TTC21A: variants seen among roughly 807,000 people sequenced by gnomAD.
TTC21A encodes the protein tetratricopeptide repeat domain 21A.
A neutral mutation model predicts 156.4 loss-of-function variants in TTC21A; 128 were observed. The observed-to-expected ratio is 0.82, with a 90% confidence interval of 0.71 to 0.95. The LOEUF (loss-of-function observed/expected upper bound fraction) is 0.95, where lower values mean the gene tolerates loss of function less well. Among genes scored for constraint, TTC21A ranks in the 40% least tolerant of loss-of-function variants. The probability of loss-of-function intolerance (pLI) is 0.00; values close to 1 mark genes in which losing one functional copy is unlikely to be tolerated. For synonymous variants in TTC21A, 587 were observed against 617.1 expected (o/e 0.95, Z 0.72); for missense variants, 1,435 against 1,602.3 (o/e 0.90, Z 1.78).
rs1263772362 is a variant in TTC21A, at chr3:39,130,748, T to C, written c.2367T>C (p.Phe789=). The change falls in exon 18 of 29, where the codon TTT becomes TTC. Residue 789 remains phenylalanine (F), a synonymous_variant. Coordinates refer to ENST00000683103, the MANE Select transcript of TTC21A (RefSeq NM_001366900.1). This position sits in a 1 kb window ranked among gnomAD's most constrained non-coding sequence, Gnocchi z 4.5. The part of the protein sequence containing the change: ...EAAQKINGQD[F]LCCDLGKLLL... ...CCCAGAAGATTAATGGACAGGACTT[T>C]CTGTGCTGCGATCTGGGCAAACTGC... 1 of 1,614,214 alleles carries C rather than the reference T, an allele frequency of 6.2e-7. No homozygotes were observed. Among genetic ancestry groups the C allele is most frequent in the Admixed American group, 1.7e-5 (1 of 60,028 alleles).
Position 39,137,112 on chromosome 3 carries a change from T to C in TTC21A, c.3257+52T>C, listed in dbSNP as rs1458043366. The C allele has an allele frequency of 5.0e-6, 8 of 1,602,820 alleles. No homozygotes were observed. In the South Asian group the frequency reaches 8.9e-5, roughly 18 times the overall value. ...AACCCTGGGGAAGTTACAGAAAGCCTGCAACCTCTGGGTTGAAGCCAGGTG... is the reference window on the plus strand; with the variant it reads ...AACCCTGGGGAAGTTACAGAAAGCCCGCAACCTCTGGGTTGAAGCCAGGTG... On this transcript the variant is annotated intron_variant, in intron 24 of 28. Coordinates refer to ENST00000683103, the MANE Select transcript of TTC21A (RefSeq NM_001366900.1).
In TTC21A at chr3:39,129,414, C is replaced by T; in HGVS notation, c.2135+104C>T. ...TCAACCTGGGTCTCCAGAATGTGTC[C>T]TTGGAGTGTAGTTGATGAATGTATG... On this transcript the variant is annotated intron_variant, in intron 15 of 28. Transcript: ENST00000683103. The T allele has an allele frequency of 3.5e-6, 3 of 866,188 alleles. No individual in the cohort carries two copies. The Admixed American group carries it at 5.7e-5, about 16-fold the overall frequency. The allele number at this position is 866,188 out of a possible 1,614,324, so 53.7% of individuals were successfully genotyped here.
At chr3:39,135,923 C>T (rs993416716) in intron 22 of TTC21A, among the ~76,000 whole-genome samples, 3 of 151,806 alleles carry the variant, frequency 2.0e-5, no homozygotes, top group African/African-American at 4.8e-5. Context: ...GGCGTGGTGG[C>T]GGGTGCCTGT....
Position 39,134,968 on chromosome 3 carries a change from C to T in TTC21A, c.2863-125C>T. 1.2e-6 allele frequency: 1 copy of T among 824,426 alleles called. No homozygotes were observed. Among genetic ancestry groups the T allele is most frequent in the East Asian group, 2.5e-5 (1 of 40,688 alleles). The allele number at this position is 824,426 out of a possible 1,614,324, so 51.1% of individuals were successfully genotyped here. A position where few individuals can be genotyped will look rare whatever the true frequency, so the allele number is the denominator to read the frequency against. On this transcript the variant is annotated intron_variant, in intron 21 of 28. Transcript: ENST00000683103. The surrounding 1 kb of genome is among the most constrained non-coding windows in gnomAD (Gnocchi z 4.6). ...CAGCTTCTCACAAGGCCTAGGGAGG[C>T]TGCCTTGCAAGTCCTTTTCTACCTT...
intron 26 of TTC21A, 29 bp from the exon 27 acceptor site, chr3:39,138,238 G>A (rs1203625932): frequency 1.2e-6 from 2 of 1,613,670 alleles, no homozygotes; most frequent in East Asian, 2.2e-5. Flanking sequence ...CTTCCGCTCT[G>A]CAGAGGCTCT....
At chr3:39,110,397 T>C (rs1241788768) in intron 3 of TTC21A, 2 of 574,732 alleles carry the variant, frequency 3.5e-6, no homozygotes, top group Non-Finnish European at 6.2e-6. Context: ...ATCCCAAGAG[T>C]TGGGGAAACA....
intron 9 of TTC21A, among the ~76,000 whole-genome samples, chr3:39,123,120 A>G (rs1230140320): frequency 1.3e-5 from 2 of 152,198 alleles, no homozygotes; most frequent in Non-Finnish European, 2.9e-5. Context: ...TGGAGAGGCT[A>G]TTATGTCAAT....
rs757640387 is a variant in TTC21A at position 39,137,492 on chromosome 3, A to G, written c.3457A>G (p.Ser1153Gly). ...CTTCCTACCTGGTGTGTAGAAGGAC[A>G]GCGTCCCTGCCCTGCTGGCCTTGGC... is the stretch of plus-strand genomic sequence containing the variant. ...FIQIAQAEKD[S>G]VPALLALAQA... Residue 1153 changes from serine to glycine, a missense_variant, in exon 26 of 29, where the codon AGC becomes GGC. By Grantham distance (56) the Ser-to-Gly change is moderately conservative. Coordinates refer to ENST00000683103, the MANE Select transcript of TTC21A (RefSeq NM_001366900.1). The G allele has an allele frequency of 1.2e-6, 2 of 1,614,206 alleles. No homozygotes were observed. Among genetic ancestry groups the G allele is most frequent in the South Asian group, 2.2e-5 (2 of 91,086 alleles).
chr3:39,124,247 ATAAT>A (rs1291072663), intron 9 of TTC21A, among the ~76,000 whole-genome samples: 4 of 152,244 alleles, frequency 2.6e-5, no homozygotes, highest in Admixed American at 1.3e-4. Context: ...CAATAGTTAA[ATAAT>A]TAGTAGGGCA....
Position 39,134,351 on chromosome 3 carries a change from T to C in TTC21A, c.2862+23T>C, listed in dbSNP as rs1476534648. ...GTGGTAGGAAGCCCCCAGCACCCACTCCCTCCCCTCCCTTCCTCCCTTCCC... is the reference window on the plus strand; with the variant it reads ...GTGGTAGGAAGCCCCCAGCACCCACCCCCTCCCCTCCCTTCCTCCCTTCCC... On this transcript the variant is annotated intron_variant, in intron 21 of 28. Coordinates refer to ENST00000683103, the MANE Select transcript of TTC21A (RefSeq NM_001366900.1). This position sits in a 1 kb window ranked among gnomAD's most constrained non-coding sequence, Gnocchi z 4.6. The C allele has an allele frequency of 1.3e-6, 2 of 1,493,774 alleles. No individual in the cohort carries two copies. Among genetic ancestry groups the C allele is most frequent in the East Asian group, 4.5e-5 (2 of 44,226 alleles). 92.5% of individuals were successfully genotyped at this position (1,493,774 alleles called of 1,614,324 possible).
rs534975688 is a variant in TTC21A at position 39,134,415 on chromosome 3, C to T, written c.2862+87C>T. On this transcript the variant is annotated intron_variant, in intron 21 of 28. Coordinates refer to ENST00000683103, the MANE Select transcript of TTC21A (RefSeq NM_001366900.1). The surrounding 1 kb of genome is among the most constrained non-coding windows in gnomAD (Gnocchi z 4.6). ...CCAGATGCAGGCTACTTCCTAGCCC[C>T]GTAACCTCAGATGCCTCACTGACAC... is the stretch of plus-strand genomic sequence containing the variant. 1.8e-5 allele frequency: 17 copies of T among 950,584 alleles called. No homozygotes were observed. The highest frequency in any genetic ancestry group is 9.6e-5 in the East Asian group (4 of 41,850). The allele number at this position is 950,584 out of a possible 1,614,324, so 58.9% of individuals were successfully genotyped here. A position where few individuals can be genotyped will look rare whatever the true frequency, so the allele number is the denominator to read the frequency against.
At position 39,137,341 on chromosome 3, in the gene TTC21A, A is replaced by C. The variant is rs2039206927; in HGVS notation, c.3404A>C (p.Asn1135Thr). 1 of 1,613,906 alleles carries C rather than the reference A, an allele frequency of 6.2e-7. No homozygotes were observed. Among genetic ancestry groups the C allele is most frequent in the Non-Finnish European group, 8.5e-7 (1 of 1,179,910 alleles). Residue 1135 changes from asparagine (N) to threonine (T), a missense_variant, in exon 25 of 29, where the codon AAC becomes ACC. Coordinates refer to ENST00000683103, the MANE Select transcript of TTC21A (RefSeq NM_001366900.1). The part of the protein sequence containing the change: ...LCRLATREKA[N>T]MEAALGSFIQ... Reference sequence around the variant, plus strand: ...CGGCTGGCCACCAGGGAGAAGGCTAACATGGAGGCTGCGCTGGGCAGCTTC... The same window carrying C: ...CGGCTGGCCACCAGGGAGAAGGCTACCATGGAGGCTGCGCTGGGCAGCTTC...
intron 6 of TTC21A, among the ~76,000 whole-genome samples, chr3:39,115,702 A>T (rs1344330905): frequency 6.6e-6 from 1 of 151,860 alleles, no homozygotes; most frequent in Non-Finnish European, 1.5e-5. Flanking sequence ...ATAAAAATAA[A>T]CTCTAACACT....
chr3:39,134,485 A>C lies in TTC21A; in HGVS notation c.2862+157A>C, dbSNP rs760938606. 17 of 705,410 alleles carry C rather than the reference A, an allele frequency of 2.4e-5. No individual in the cohort carries two copies. Among genetic ancestry groups the C allele is most frequent in the East Asian group, 2.1e-4 (8 of 37,358 alleles). 43.7% of individuals were successfully genotyped at this position (705,410 alleles called of 1,614,324 possible). A position where few individuals can be genotyped will look rare whatever the true frequency, so the allele number is the denominator to read the frequency against. Reference sequence around the variant, plus strand: ...GCAGAGAGGACTCAGTGCTGCACCTACTCTGCCCTTTAGCCGGAAGCGGTA... The same window carrying C: ...GCAGAGAGGACTCAGTGCTGCACCTCCTCTGCCCTTTAGCCGGAAGCGGTA... On this transcript the variant is annotated intron_variant, in intron 21 of 28. Coordinates refer to ENST00000683103, the MANE Select transcript of TTC21A (RefSeq NM_001366900.1). This position sits in a 1 kb window ranked among gnomAD's most constrained non-coding sequence, Gnocchi z 4.6.
chr3:39,124,299 A>G (rs1254013826), intron 9 of TTC21A, among the ~76,000 whole-genome samples: 1 of 152,216 alleles, frequency 6.6e-6, no homozygotes, highest in Admixed American at 6.5e-5. Context: ...TTGTGTTGTC[A>G]TCAAAGAAAA....
Position 39,120,083 on chromosome 3 carries a change from G to T in TTC21A, c.900+63G>T, listed in dbSNP as rs535062545. 242 of 1,260,426 alleles carry T rather than the reference G, an allele frequency of 1.9e-4. 1 individual carries two copies. In the East Asian group the frequency reaches 5.5e-3, roughly 29 times the overall value. 78.1% of individuals were successfully genotyped at this position (1,260,426 alleles called of 1,614,324 possible). A position where few individuals can be genotyped will look rare whatever the true frequency, so the allele number is the denominator to read the frequency against. ...TCCCTGCTTTCCTTAGAGGAGAACT[G>T]TGCTCCCCCAGGAAGCTCCTTGAGT... On this transcript the variant is annotated intron_variant, in intron 8 of 28. Coordinates refer to ENST00000683103, the MANE Select transcript of TTC21A (RefSeq NM_001366900.1).
chr3:39,129,998 G>A (rs963416930), intron 15 of TTC21A, 81 bp from the exon 16 acceptor site: 3 of 1,359,824 alleles, frequency 2.2e-6, no homozygotes, highest in Middle Eastern at 1.8e-4. Context: ...AGAATCAGTG[G>A]GAAGGAAGTG....
rs571796771 is a variant in TTC21A, at chr3:39,128,755, G to A, written c.1719G>A (p.Arg573=). The change falls in exon 14 of 29, where the codon AGG becomes AGA. Residue 573 remains arginine (R), a synonymous_variant. Transcript: ENST00000683103. ...DHPLYHLIKA[R]ALNKAGDYPE... ...CCCTCTACCACCTCATCAAGGCCAGGGCCCTCAACAAGGCTGGAGACTATC... is the reference window on the plus strand; with the variant it reads ...CCCTCTACCACCTCATCAAGGCCAGAGCCCTCAACAAGGCTGGAGACTATC... The A allele has an allele frequency of 6.2e-7, 1 of 1,613,990 alleles. No homozygotes were observed. Among genetic ancestry groups the A allele is most frequent in the Non-Finnish European group, 8.5e-7 (1 of 1,180,032 alleles).
chr3:39,108,108 A>G (rs1263690515), intron 1 of TTC21A: 1 of 580,256 alleles, frequency 1.7e-6, no homozygotes, highest in Non-Finnish European at 3.1e-6. Flanking sequence ...AATCACTATC[A>G]TTATCCCTTC....
Sources: allele counts gnomAD v4.1 joint callset (sites outside exome capture counted in the v4.1 genomes callset), GRCh38; gene constraint gnomAD v4.1.1; non-coding constraint Gnocchi (gnomAD v3.1); transcripts MANE v1.5; gene names NCBI Gene and HGNC (gene_info 2026-07-23, HGNC 2026-07-21).